The following MAST4 variants were observed in gnomAD, a reference collection of about 807,000 sequenced individuals.
The protein encoded by MAST4 is microtubule-associated serine/threonine-protein kinase 4.
MAST4 carries 89 observed loss-of-function variants against 162.7 expected under a neutral mutation model. That is an observed-to-expected ratio of 0.55 (90% CI 0.46 to 0.65). The LOEUF (loss-of-function observed/expected upper bound fraction) is 0.65. Ranked by LOEUF, MAST4 falls within the 30% of genes least tolerant of loss-of-function variation. MAST4 has a pLI of 0.00. For missense variants in MAST4, 3,153 were observed against 3,374.0 expected (o/e 0.93, Z 1.62); for synonymous variants, 1,479 against 1,361.1 (o/e 1.09, Z -1.91).
At chr5:66,978,615 C>CGGGGCTA (rs980387323) in intron 4 of MAST4, among the ~76,000 whole-genome samples, 1 of 152,070 alleles carries the variant, frequency 6.6e-6, no homozygotes, top group Non-Finnish European at 1.5e-5. Context: ...AAGTTTGATT[C>CGGGGCTA]GGGGCTAAGT....
intron 1 of MAST4, among the ~76,000 whole-genome samples, chr5:66,635,741 G>C (rs1423151582): frequency 1.3e-5 from 2 of 151,266 alleles, no homozygotes; most frequent in African/African-American, 4.9e-5. Flanking sequence ...GCAATGGCAT[G>C]ATCTTGGCTC....
At chr5:66,897,735 A>G (rs1235213331) in intron 3 of MAST4, among the ~76,000 whole-genome samples, 1 of 152,198 alleles carries the variant, frequency 6.6e-6, no homozygotes, top group Non-Finnish European at 1.5e-5. Flanking sequence ...CTCGGCTGCC[A>G]TCCCGTGGAG....
chr5:66,661,882 T>A (rs1746934132), intron 1 of MAST4, among the ~76,000 whole-genome samples: 1 of 152,224 alleles, frequency 6.6e-6, no homozygotes, highest in Admixed American at 6.5e-5. Flanking sequence ...TATTAATAGG[T>A]CCACCTAAGT....
intron 17 of MAST4, 82 bp from the exon 18 acceptor site, chr5:67,134,441 A>G (rs1392582368): frequency 1.5e-6 from 2 of 1,357,886 alleles, no homozygotes; most frequent in Non-Finnish European, 2.0e-6. Context: ...ATTCTGGGCA[A>G]AATAATTGGT....
intron 4 of MAST4, among the ~76,000 whole-genome samples, chr5:67,032,611 GT>G (rs1377083843): frequency 6.6e-6 from 1 of 152,026 alleles, no homozygotes; most frequent in Non-Finnish European, 1.5e-5. Flanking sequence ...CAAAATAAGG[GT>G]TACTTCTTAC....
chr5:66,831,850 C>T (rs763230815), intron 3 of MAST4, among the ~76,000 whole-genome samples: 7 of 152,130 alleles, frequency 4.6e-5, no homozygotes, highest in Non-Finnish European at 8.8e-5. Context: ...GGGCTTGGGC[C>T]GACCTTGTAC....
At chr5:66,626,989 A>C (rs1400737559) in intron 1 of MAST4, among the ~76,000 whole-genome samples, 2 of 152,204 alleles carry the variant, frequency 1.3e-5, no homozygotes, top group East Asian at 3.9e-4. Context: ...AAGGATACTA[A>C]GTCAAATGGC....
rs370227132 is a variant in MAST4 at position 67,032,000 on chromosome 5, C to G, written c.675-22404C>G. 9.9e-5 allele frequency among the ~76,000 whole-genome samples: 15 copies of G among 152,256 alleles called. 1 individual carries two copies. In the East Asian group the frequency reaches 2.7e-3, roughly 27 times the overall value. On this transcript the variant is annotated intron_variant, in intron 4 of 28. Coordinates refer to ENST00000403625, the MANE Select transcript of MAST4 (RefSeq NM_001164664.2). ...CATCGTGACCTACTTCTGTCACTTGCGTTGAAGGGGTGCTTATTTGTCAAA... is the reference window on the plus strand; with the variant it reads ...CATCGTGACCTACTTCTGTCACTTGGGTTGAAGGGGTGCTTATTTGTCAAA...
intron 1 of MAST4, among the ~76,000 whole-genome samples, chr5:66,601,097 G>A (rs1012874997): frequency 2.0e-5 from 3 of 152,168 alleles, no homozygotes; most frequent in South Asian, 2.1e-4. Flanking sequence ...GGTTTCCCAC[G>A]TGTACTAATG....
At chr5:67,124,128 G>T (rs1378890525) in intron 14 of MAST4, among the ~76,000 whole-genome samples, 3 of 152,166 alleles carry the variant, frequency 2.0e-5, no homozygotes, top group Non-Finnish European at 4.4e-5. Flanking sequence ...CCTCAGTTCT[G>T]CATGGTTGGG....
chr5:66,611,648 A>G (rs6892251), intron 1 of MAST4, among the ~76,000 whole-genome samples: 2 of 152,232 alleles, frequency 1.3e-5, no homozygotes, highest in African/African-American at 4.8e-5. Context: ...AATGATAAAG[A>G]CAGTCTTACC....
intron 3 of MAST4, among the ~76,000 whole-genome samples, chr5:66,803,959 C>G (rs1204548913): frequency 1.3e-5 from 2 of 151,146 alleles, no homozygotes; most frequent in East Asian, 1.9e-4. Context: ...TTAAAAAGCT[C>G]TGTATCAGGT....
At chr5:66,728,939 G>C (rs1304273717) in intron 1 of MAST4, among the ~76,000 whole-genome samples, 3 of 152,196 alleles carry the variant, frequency 2.0e-5, no homozygotes, top group Non-Finnish European at 4.4e-5. Flanking sequence ...GGAGGAAGGA[G>C]AGAAGATTGT....
intron 3 of MAST4, among the ~76,000 whole-genome samples, chr5:66,816,428 T>C (rs1756724349): frequency 6.6e-6 from 1 of 152,200 alleles, no homozygotes; most frequent in Admixed American, 6.5e-5. Flanking sequence ...AGTTTTATAA[T>C]CATTTATGAT....
chr5:66,602,060 A>G (rs113953800), intron 1 of MAST4, among the ~76,000 whole-genome samples: 1 of 152,372 alleles, frequency 6.6e-6, no homozygotes, highest in African/African-American at 2.4e-5. Flanking sequence ...ATGAAAATAC[A>G]TACATATGAA....
chr5:66,845,517 A>T (rs930839819), intron 3 of MAST4, among the ~76,000 whole-genome samples: 1 of 151,974 alleles, frequency 6.6e-6, no homozygotes, highest in Non-Finnish European at 1.5e-5. Flanking sequence ...TCTATCATTG[A>T]TGGACATTTG....
chr5:66,769,552 C>T (rs1038811113), intron 2 of MAST4, among the ~76,000 whole-genome samples: 1 of 152,202 alleles, frequency 6.6e-6, no homozygotes, highest in Non-Finnish European at 1.5e-5. Context: ...TAACCTGTTG[C>T]TCCTGGGTCA....
rs1348396878 is a variant in MAST4, at chr5:66,693,779, C to T, written c.364-65930C>T. On this transcript the variant is annotated intron_variant, in intron 1 of 28. Transcript: ENST00000403625. ...AGAATTTTTAAGCTAGATGGGGGTG[C>T]CTTTAGAGAGCAAAAAAAACTGTAA... is the stretch of plus-strand genomic sequence containing the variant. Among the ~76,000 whole-genome samples the T allele has an allele frequency of 5.2e-5, 4 of 77,262 alleles. No individual in the cohort carries two copies. The East Asian group carries it at 2.1e-3, about 41-fold the overall frequency. The allele number at this position is 77,262 out of a possible 152,430, so 50.7% of individuals were successfully genotyped here.
Position 67,167,062 on chromosome 5 carries a change from C to G in MAST4, c.*11C>G. Reference sequence around the variant, plus strand: ...AAAAAGGCCTTGTAACGGGGAGGGCCCAGGGGCAGGACTGTGGAGACCCGT... The same window carrying G: ...AAAAAGGCCTTGTAACGGGGAGGGCGCAGGGGCAGGACTGTGGAGACCCGT... On this transcript the variant is annotated 3_prime_UTR_variant, in exon 29 of 29. Transcript: ENST00000403625. 6.4e-7 allele frequency: 1 copy of G among 1,566,648 alleles called. No homozygotes were observed. The highest frequency in any genetic ancestry group is 8.6e-7 in the Non-Finnish European group (1 of 1,156,106).
Sources: gnomAD v4.1 joint callset for allele counts (sites outside exome capture counted in the v4.1 genomes callset) on GRCh38, gnomAD v4.1.1 for gene constraint, MANE v1.5 for transcripts, NCBI Gene and HGNC (gene_info 2026-07-23, HGNC 2026-07-21) for gene names.